BRAF: variants seen among roughly 807,000 people sequenced by gnomAD.
The protein encoded by BRAF is B-Raf proto-oncogene, serine/threonine kinase, also known as serine/threonine-protein kinase B-raf.
Under a neutral mutation model 104.6 loss-of-function variants are expected in BRAF, and 16 were observed. The observed-to-expected ratio is 0.15, with a 90% confidence interval of 0.10 to 0.23. The LOEUF (loss-of-function observed/expected upper bound fraction) is 0.23. Among genes scored for constraint, BRAF ranks in the 10% least tolerant of loss-of-function variants. BRAF has a pLI of 1.00. For synonymous variants in BRAF, 310 were observed against 341.6 expected, an observed-to-expected ratio of 0.91 and a Z score of 1.02; for missense variants, 541 against 937.3, an observed-to-expected ratio of 0.58 and a Z score of 5.52.
intron 3 of BRAF, among the ~76,000 whole-genome samples, chr7:140,824,767 C>G (rs1373207172): frequency 6.6e-6 from 1 of 151,926 alleles, no homozygotes; most frequent in Non-Finnish European, 1.5e-5. Context: ...TACGGAAATT[C>G]TAGTTCTTTC....
intron 1 of BRAF, among the ~76,000 whole-genome samples, chr7:140,861,013 T>C (rs1810358952): frequency 6.6e-6 from 1 of 152,220 alleles, no homozygotes; most frequent in Non-Finnish European, 1.5e-5. Context: ...GCTATATTTA[T>C]CAACATGAAT....
intron 18 of BRAF, 41 bp from the exon 18 acceptor site, chr7:140,734,811 A>G (rs753979169): frequency 4.3e-6 from 6 of 1,396,280 alleles, no homozygotes; most frequent in East Asian, 2.6e-5. Flanking sequence ...AAAAAAGAAA[A>G]AAGAAAAAAA....
At chr7:140,830,330 A>T (rs1293006223) in intron 3 of BRAF, among the ~76,000 whole-genome samples, 1 of 152,178 alleles carries the variant, frequency 6.6e-6, no homozygotes, top group Non-Finnish European at 1.5e-5. Context: ...GTGGTTTATT[A>T]TGTTGACAAA....
rs139049802 is a variant in BRAF, at chr7:140,771,716, ATTGTCTAGCTATAGACTATATCTGGCT to A, written c.1814+5169_1814+5195del. 7.7e-3 allele frequency among the ~76,000 whole-genome samples: 1,173 copies of A among 152,300 alleles called. 24 individuals are homozygous for A. Among genetic ancestry groups the A allele is most frequent in the East Asian group, 0.074 (383 of 5,168 alleles). On this transcript the variant is annotated intron_variant, in intron 14 of 19. Coordinates refer to ENST00000644969, the MANE Select transcript of BRAF (RefSeq NM_001374258.1). ...GGCTATTTAAATACCCTATAGCCTTATTGTCTAGCTATAGACTATATCTGGCTTGGTCAGTCCTTTGTGAGATGATGC... is the reference window on the plus strand; with the variant it reads ...GGCTATTTAAATACCCTATAGCCTTATGGTCAGTCCTTTGTGAGATGATGC...
chr7:140,749,382 A>G lies in BRAF; in HGVS notation c.2017T>C (p.Tyr673His), dbSNP rs746010267. 3 of 1,613,202 alleles carry G rather than the reference A, an allele frequency of 1.9e-6. No homozygotes were observed. Among genetic ancestry groups the G allele is most frequent in the Non-Finnish European group, 2.5e-6 (3 of 1,179,488 alleles). ...EVIRMQDKNP[Y>H]SFQSDVYAFG... ...GCATATACATCTGACTGAAAGCTGT[A>G]TGGATTTTTATCTTGCATTCTGATG... Residue 673 changes from tyrosine to histidine, a missense_variant, in exon 17 of 20, where the codon TAC becomes CAC. Around this residue, in one of 10 missense-constraint regions of BRAF, gnomAD observed 129 missense variants for 285.8 expected, o/e 0.45. Transcript: ENST00000644969.
chr7:140,878,817 T>C lies in BRAF; in HGVS notation c.139-28605A>G, dbSNP rs563152182. On this transcript the variant is annotated intron_variant, in intron 1 of 19. Coordinates refer to ENST00000644969, the MANE Select transcript of BRAF (RefSeq NM_001374258.1). ...TCACCTTGACTTCAGCATTGCGCAC[T>C]GTATACCTATATCAAAATATCACAC... Among the ~76,000 whole-genome samples the C allele has an allele frequency of 2.0e-5, 3 of 152,340 alleles. No homozygotes were observed. The South Asian group carries it at 6.2e-4, about 32-fold the overall frequency.
chr7:140,728,926 A>T (rs541369227), intron 19 of BRAF, among the ~76,000 whole-genome samples: 49 of 152,200 alleles, frequency 3.2e-4, no homozygotes, highest in African/African-American at 1.2e-3. Flanking sequence ...AAAAATACTT[A>T]AAAAAATCTT....
intron 14 of BRAF, among the ~76,000 whole-genome samples, chr7:140,765,489 A>C (rs2129010118): frequency 6.6e-6 from 1 of 152,320 alleles, no homozygotes; most frequent in Non-Finnish European, 1.5e-5. Context: ...CAGCAAAAGA[A>C]ACTACCATCA....
At chr7:140,887,932 G>A (rs1403679932) in intron 1 of BRAF, among the ~76,000 whole-genome samples, 3 of 150,486 alleles carry the variant, frequency 2.0e-5, no homozygotes, top group African/African-American at 4.9e-5. Flanking sequence ...AGGCTAGAGT[G>A]CAGTGGCATG....
Position 140,831,494 on chromosome 7 carries a change from A to G in BRAF, c.504+3115T>C, listed in dbSNP as rs561961154. 2.6e-5 allele frequency among the ~76,000 whole-genome samples: 4 copies of G among 152,284 alleles called. No homozygotes were observed. In the East Asian group the frequency reaches 7.7e-4, roughly 29 times the overall value. On this transcript the variant is annotated intron_variant, in intron 3 of 19. Transcript: ENST00000644969. ...TCCAGGCAGAAATTTTGTTTAGAAAACGACTTTTAGAGCTTTTTCATGGAA... is the reference window on the plus strand; with the variant it reads ...TCCAGGCAGAAATTTTGTTTAGAAAGCGACTTTTAGAGCTTTTTCATGGAA...
Position 140,726,284 on chromosome 7 carries a change from A to G in BRAF, c.*210T>C. ...TTGTATGCTCGTGGTATTTTTGTTG[A>G]AGAAACACTGGCAGCAGAGAATTCT... On this transcript the variant is annotated 3_prime_UTR_variant, in exon 20 of 20. Transcript: ENST00000644969. 2.8e-6 allele frequency: 4 copies of G among 1,413,080 alleles called. No homozygotes were observed. The highest frequency in any genetic ancestry group is 3.7e-6 in the Non-Finnish European group (4 of 1,091,092). The allele number at this position is 1,413,080 out of a possible 1,614,324, so 87.5% of individuals were successfully genotyped here.
At chr7:140,787,300 C>CAAAAAAAAA (rs1199383417) in intron 9 of BRAF, among the ~76,000 whole-genome samples, 3 of 55,084 alleles carry the variant, frequency 5.4e-5, no homozygotes, top group African/African-American at 1.3e-4. Flanking sequence ...GACTCCGTCT[C>CAAAAAAAAA]AAAAAAAAAA....
intron 9 of BRAF, among the ~76,000 whole-genome samples, chr7:140,786,349 A>T (rs1801356327): frequency 6.6e-6 from 1 of 152,208 alleles, no homozygotes; most frequent in African/African-American, 2.4e-5. Context: ...GTCTGGGCTT[A>T]GATATTTTGA....
At chr7:140,736,258 C>T (rs1030286995) in intron 18 of BRAF, among the ~76,000 whole-genome samples, 2 of 150,282 alleles carry the variant, frequency 1.3e-5, no homozygotes, top group African/African-American at 4.9e-5. Flanking sequence ...TTAGTAGAGA[C>T]GGGTATCACC....
Position 140,721,397 on chromosome 7 carries a change from C to T in BRAF, c.*5097G>A. 2 of 1,250,118 alleles carry T rather than the reference C, an allele frequency of 1.6e-6. No homozygotes were observed. Among genetic ancestry groups the T allele is most frequent in the African/African-American group, 3.1e-5 (2 of 64,666 alleles). 77.4% of individuals were successfully genotyped at this position (1,250,118 alleles called of 1,614,324 possible). A position where few individuals can be genotyped will look rare whatever the true frequency, so the allele number is the denominator to read the frequency against. On this transcript the variant is annotated 3_prime_UTR_variant, in exon 20 of 20. Transcript: ENST00000644969. ...TACCTGATAGGAACTGTTAATTACC[C>T]TTTCCACAATTAACAAAAATTAGAA... is the stretch of plus-strand genomic sequence containing the variant.
intron 1 of BRAF, among the ~76,000 whole-genome samples, chr7:140,919,864 G>A (rs1818031222): frequency 6.6e-6 from 1 of 150,910 alleles, no homozygotes. Context: ...TTTGTTTTGA[G>A]GCAGGGTCTC....
chr7:140,714,837 AAAAGC>A (rs1345767125), downstream of BRAF, among the ~76,000 whole-genome samples: 2 of 152,176 alleles, frequency 1.3e-5, no homozygotes, highest in African/African-American at 4.8e-5. Context: ...GATGGGCGAG[AAAAGC>A]AAATTGAACT....
chr7:140,769,075 C>T (rs1799594710), intron 14 of BRAF, among the ~76,000 whole-genome samples: 1 of 149,730 alleles, frequency 6.7e-6, no homozygotes, highest in African/African-American at 2.5e-5. Context: ...ACTAAAACAC[C>T]TCCAGTCTTT....
At chr7:140,745,924 G>A (rs1026839925) in intron 17 of BRAF, among the ~76,000 whole-genome samples, 3 of 152,162 alleles carry the variant, frequency 2.0e-5, no homozygotes, top group Non-Finnish European at 2.9e-5. Context: ...GAAGACCTGC[G>A]AAGAGGTCCA....
Sources: gnomAD v4.1 joint callset for allele counts (sites outside exome capture counted in the v4.1 genomes callset) on GRCh38, gnomAD v4.1.1 for gene constraint, gnomAD v4.1.1 regional missense constraint, MANE v1.5 for transcripts, NCBI Gene and HGNC (gene_info 2026-07-23, HGNC 2026-07-21) for gene names.